The following CUL3 variants were observed in gnomAD, a reference collection of about 807,000 sequenced individuals.
CUL3 encodes the protein cullin-3.
CUL3 carries 19 observed loss-of-function variants against 89.1 expected under a neutral mutation model. That is an observed-to-expected ratio of 0.21 (90% CI 0.15 to 0.31). The LOEUF is 0.31. CUL3 is among the 10% of genes least tolerant of loss of function. The probability of loss-of-function intolerance (pLI) is 1.00; values close to 1 mark genes in which losing one functional copy is unlikely to be tolerated. For synonymous variants in CUL3, 351 were observed against 308.4 expected (o/e 1.14, Z -1.45); for missense variants, 469 against 942.3 (o/e 0.50, Z 6.58).
At position 224,502,264 on chromosome 2, in the gene CUL3, T is replaced by C. The variant is rs560366104; in HGVS notation, c.1485+701A>G. ...AAATGGTTGTGACACATTTTAACCA[T>C]AGAGTGGTACACGGTGATTTTAAAA... On this transcript the variant is annotated intron_variant, in intron 10 of 15. Transcript: ENST00000264414. Among the ~76,000 whole-genome samples, 15 of 152,308 alleles carry C rather than the reference T, an allele frequency of 9.8e-5. No individual in the cohort carries two copies. In the South Asian group the frequency reaches 2.3e-3, roughly 23 times the overall value.
chr2:224,581,327 C>T (rs984660318), intron 1 of CUL3, among the ~76,000 whole-genome samples: 3 of 148,392 alleles, frequency 2.0e-5, no homozygotes, highest in Non-Finnish European at 4.5e-5. Context: ...ACCCAGGAGG[C>T]GGAGGTTGCA....
Position 224,497,802 on chromosome 2 carries a change from T to C in CUL3, c.1658A>G (p.His553Arg). Residue 553 changes from histidine (H) to arginine (R), a missense_variant, in exon 12 of 16, where the codon CAT becomes CGT. His to Arg is a conservative substitution (Grantham distance 29). Transcript: ENST00000264414. ...GGCATTGAGATCTGCAGAACCCATA[T>C]GATGCTGGAGTGTGAGCTGTCGACC... ...HSGRQLTLQH[H>R]MGSADLNATF... 3 of 1,614,032 alleles carry C rather than the reference T, an allele frequency of 1.9e-6. No homozygotes were observed. Among genetic ancestry groups the C allele is most frequent in the Non-Finnish European group, 1.7e-6 (2 of 1,179,884 alleles).
intron 13 of CUL3, chr2:224,495,576 A>T (rs955293317): frequency 5.4e-5 from 14 of 258,762 alleles, no homozygotes. Context: ...ACAAAGATGC[A>T]CTCATTTAAA....
chr2:224,582,987 T>C (rs1258619009), intron 1 of CUL3, among the ~76,000 whole-genome samples: 5 of 152,188 alleles, frequency 3.3e-5, no homozygotes, highest in African/African-American at 1.2e-4. Flanking sequence ...TGAGTTGATG[T>C]CAAATTTGAG....
At chr2:224,549,861 T>TGC (rs898996094) in intron 2 of CUL3, among the ~76,000 whole-genome samples, 8 of 151,724 alleles carry the variant, frequency 5.3e-5, no homozygotes, top group African/African-American at 1.9e-4. Context: ...CATATATGCG[T>TGC]GCACACACAC....
intron 13 of CUL3, 110 bp downstream of exon 13, chr2:224,495,722 C>G: frequency 1.2e-6 from 1 of 860,390 alleles, no homozygotes; most frequent in Non-Finnish European, 1.8e-6. Flanking sequence ...ACAGTTTTCT[C>G]TAAAAGTACC....
chr2:224,566,046 C>G (rs1296831666), intron 1 of CUL3, among the ~76,000 whole-genome samples: 1 of 152,116 alleles, frequency 6.6e-6, no homozygotes, highest in Non-Finnish European at 1.5e-5. Flanking sequence ...GTTTAAAGAG[C>G]CTTAAAGGTC....
intron 6 of CUL3, among the ~76,000 whole-genome samples, chr2:224,508,961 CAA>C (rs3081932): frequency 1.8e-5 from 2 of 112,876 alleles, no homozygotes; most frequent in Admixed American, 8.8e-5. Context: ...GACTTCGTCT[CAA>C]AAAAAAAAAA....
intron 1 of CUL3, among the ~76,000 whole-genome samples, chr2:224,582,900 A>T (rs1357753399): frequency 6.6e-6 from 1 of 152,234 alleles, no homozygotes; most frequent in Non-Finnish European, 1.5e-5. Flanking sequence ...AAGAGCAGGG[A>T]AACCTGAAGA....
intron 6 of CUL3, among the ~76,000 whole-genome samples, chr2:224,509,166 G>A (rs998464893): frequency 6.6e-6 from 1 of 152,090 alleles, no homozygotes; most frequent in Non-Finnish European, 1.5e-5. Flanking sequence ...ACCACAATTA[G>A]GATATTTTGC....
At chr2:224,558,079 T>TA (rs1694780125) in intron 1 of CUL3, among the ~76,000 whole-genome samples, 1 of 152,124 alleles carries the variant, frequency 6.6e-6, no homozygotes, top group Non-Finnish European at 1.5e-5. Flanking sequence ...TCTCATCTTT[T>TA]AAGACCTCCC....
intron 2 of CUL3, among the ~76,000 whole-genome samples, chr2:224,538,713 T>C (rs1439626868): frequency 1.3e-5 from 2 of 152,058 alleles, no homozygotes; most frequent in African/African-American, 4.8e-5. Flanking sequence ...ACCAGAGAAA[T>C]TGAGAGCAGG....
At chr2:224,483,101 A>C (rs1042353953) in intron 13 of CUL3, among the ~76,000 whole-genome samples, 4 of 152,230 alleles carry the variant, frequency 2.6e-5, no homozygotes, top group African/African-American at 9.6e-5. Context: ...TTCTTCAAAT[A>C]ATCTCTGGTT....
At chr2:224,515,853 T>C (rs1231020498) in intron 3 of CUL3, among the ~76,000 whole-genome samples, 1 of 152,142 alleles carries the variant, frequency 6.6e-6, no homozygotes, top group Non-Finnish European at 1.5e-5. Context: ...CCATCATGCC[T>C]GGCTAATCTT....
intron 13 of CUL3, among the ~76,000 whole-genome samples, chr2:224,484,161 CCTGTCT>C (rs1029477366): frequency 6.6e-6 from 1 of 151,882 alleles, no homozygotes; most frequent in Non-Finnish European, 1.5e-5. Flanking sequence ...AGAATGAGAC[CCTGTCT>C]CAAAATTTTT....
chr2:224,566,985 C>T (rs1471550996), intron 1 of CUL3, among the ~76,000 whole-genome samples: 2 of 152,136 alleles, frequency 1.3e-5, no homozygotes, highest in Non-Finnish European at 2.9e-5. Context: ...TAATCTAGTA[C>T]ACATCAAGCA....
Position 224,506,147 on chromosome 2 carries a change from C to T in CUL3, c.1030-15G>A, listed in dbSNP as rs746897593. On this transcript the variant is annotated splice_polypyrimidine_tract_variant and intron_variant, in intron 7 of 15. Coordinates refer to ENST00000264414, the MANE Select transcript of CUL3 (RefSeq NM_003590.5). ...TCCAATAAGCCCTTAGAAATAAAAA[C>T]AAAATTTAGGACACATTATAATAAT... 1 of 1,536,772 alleles carries T rather than the reference C, an allele frequency of 6.5e-7. No homozygotes were observed. Among genetic ancestry groups the T allele is most frequent in the Admixed American group, 2.1e-5 (1 of 48,500 alleles).
chr2:224,487,296 GC>G (rs1691762890), intron 13 of CUL3, among the ~76,000 whole-genome samples: 1 of 152,042 alleles, frequency 6.6e-6, no homozygotes, highest in Non-Finnish European at 1.5e-5. Context: ...GGGGCTAAAT[GC>G]CCCAATTAAA....
chr2:224,497,890 T>A (rs1692224621), intron 11 of CUL3, 41 bp from the exon 12 acceptor site: 1 of 1,459,262 alleles, frequency 6.9e-7, no homozygotes, highest in African/African-American at 1.4e-5. Flanking sequence ...TCAAACAAAC[T>A]TACACATTTG....
Sources: allele counts gnomAD v4.1 joint callset (sites outside exome capture counted in the v4.1 genomes callset), GRCh38; gene constraint gnomAD v4.1.1; transcripts MANE v1.5; gene names NCBI Gene and HGNC (gene_info 2026-07-23, HGNC 2026-07-21).